ZNF333: variants seen among roughly 807,000 people sequenced by gnomAD.
ZNF333 encodes zinc finger protein 333.
Under a neutral mutation model 76.1 loss-of-function variants are expected in ZNF333, and 61 were observed. The ratio of observed to expected loss-of-function variants is 0.80; its 90% CI spans 0.65 to 0.99. The LOEUF is 0.99. ZNF333 is among the 50% of genes least tolerant of loss of function. The pLI is 0.00. For synonymous variants in ZNF333, 284 were observed against 305.0 expected, an observed-to-expected ratio of 0.93 and a Z score of 0.72; for missense variants, 717 against 822.4, an observed-to-expected ratio of 0.87 and a Z score of 1.57.
Position 14,693,491 on chromosome 19 carries a change from C to A in ZNF333, c.-1C>A, listed in dbSNP as rs1972923324. 6.2e-7 allele frequency: 1 copy of A among 1,602,164 alleles called. No homozygotes were observed. Among genetic ancestry groups the A allele is most frequent in the Non-Finnish European group, 8.5e-7 (1 of 1,171,326 alleles). The stretch of plus-strand genomic sequence containing the variant: ...AGACCTCAAACCCTGGCTCCAGTGT[C>A]ATGGTGAGGAAACTGGGGGCTCCTG... On this transcript the variant is annotated 5_prime_UTR_variant, in exon 2 of 12. Coordinates refer to ENST00000292530, the MANE Select transcript of ZNF333 (RefSeq NM_032433.4).
exon 12 of ZNF333, chr19:14,731,533 G>A (rs1416842415): frequency 7.3e-6 from 2 of 275,098 alleles, no homozygotes; most frequent in Non-Finnish European, 1.4e-5. Flanking sequence ...GACCCCCACG[G>A]TGGAGAGCTG....
intron 5 of ZNF333, chr19:14,701,942 CCA>C (rs201398200): frequency 0.016 from 15,934 of 975,302 alleles, 146 homozygotes; most frequent in Non-Finnish European, 0.018. Context: ...ACCGCAGAGA[CCA>C]CAGTCTCAGC....
intron 8 of ZNF333, 21 bp from the exon 9 acceptor site, chr19:14,716,091 C>A: frequency 6.2e-7 from 1 of 1,613,464 alleles, no homozygotes; most frequent in Non-Finnish European, 8.5e-7. Context: ...CTGGCTGAGC[C>A]GGGATGGATG....
Position 14,715,472 on chromosome 19 carries a change from T to C in ZNF333, c.600+2T>C, listed in dbSNP as rs773626475. The stretch of plus-strand genomic sequence containing the variant: ...GGGCTGCCAACCGCCTGTTCACAGG[T>C]AGGTAAGAACTTCTTGTTCTAAAAG... On this transcript the variant is annotated splice_donor_variant, in intron 8 of 11. Transcript: ENST00000292530. LOFTEE classifies it high-confidence loss of function. The C allele has an allele frequency of 6.2e-7, 1 of 1,613,584 alleles. No homozygotes were observed. The highest frequency in any genetic ancestry group is 8.5e-7 in the Non-Finnish European group (1 of 1,179,680).
intron 7 of ZNF333, chr19:14,708,359 A>G (rs746099188): frequency 4.5e-5 from 18 of 401,196 alleles, no homozygotes; most frequent in African/African-American, 6.1e-5. Flanking sequence ...TCCGATGGTG[A>G]GATGGGGACC....
downstream of ZNF333, among the ~76,000 whole-genome samples, chr19:14,724,563 C>T (rs973387800): frequency 6.6e-6 from 1 of 152,116 alleles, no homozygotes; most frequent in Non-Finnish European, 1.5e-5. Flanking sequence ...GTCAGGGGCT[C>T]GAGACCAGCC....
chr19:14,704,968 C>A, intron 5 of ZNF333, 86 bp from the exon 6 acceptor site: 1 of 1,357,870 alleles, frequency 7.4e-7, no homozygotes, highest in South Asian at 1.3e-5. Context: ...TCTGGCAGCC[C>A]TAAGCCCCAA....
Position 14,721,050 on chromosome 19 carries a change from T to C in ZNF333, c.*1725T>C, listed in dbSNP as rs2042573719. 1.2e-6 allele frequency: 1 copy of C among 801,534 alleles called. No homozygotes were observed. The highest frequency in any genetic ancestry group is 1.5e-6 in the Non-Finnish European group (1 of 662,608). 49.7% of individuals were successfully genotyped at this position (801,534 alleles called of 1,614,324 possible). ...TCATTGTAATGATAGTAAATACTTA[T>C]TTAGAGTTTACTATTAATAGATAGT... On this transcript the variant is annotated 3_prime_UTR_variant, in exon 12 of 12. Coordinates refer to ENST00000292530, the MANE Select transcript of ZNF333 (RefSeq NM_032433.4).
rs1035938370 is a variant in ZNF333 at position 14,721,229 on chromosome 19, ACTCT to A, written c.*1909_*1912del. 4.3e-5 allele frequency: 6 copies of A among 139,586 alleles called. No individual in the cohort carries two copies. Among genetic ancestry groups the A allele is most frequent in the African/African-American group, 1.6e-4 (6 of 36,832 alleles). 8.6% of individuals were successfully genotyped at this position (139,586 alleles called of 1,614,324 possible). A position where few individuals can be genotyped will look rare whatever the true frequency, so the allele number is the denominator to read the frequency against. On this transcript the variant is annotated 3_prime_UTR_variant, in exon 12 of 12. Coordinates refer to ENST00000292530, the MANE Select transcript of ZNF333 (RefSeq NM_032433.4). Reference sequence around the variant, plus strand: ...ATCTGGGTGGCATGTGACAGGCCTGACTCTCTCTACAGTGGCAGACCCAGGGGAC... The same window carrying A: ...ATCTGGGTGGCATGTGACAGGCCTGACTCTACAGTGGCAGACCCAGGGGAC...
downstream of ZNF333, among the ~76,000 whole-genome samples, chr19:14,726,188 C>T (rs527381024): frequency 1.3e-5 from 2 of 152,338 alleles, no homozygotes; most frequent in South Asian, 4.1e-4. Context: ...CCCCTTTGAG[C>T]CAAGGCTGGA....
At position 14,719,054 on chromosome 19, in the gene ZNF333, C is replaced by G. The variant is rs1175264274; in HGVS notation, c.1727C>G (p.Ser576Cys). Residue 576 changes from serine (S) to cysteine (C), a missense_variant, in exon 12 of 12, where the codon TCC (serine) becomes TGC (cysteine). Ser to Cys is a moderately radical substitution (Grantham distance 112). Transcript: ENST00000292530. Reference protein sequence around the residue: ...ECGRAFSEPSSLRKHARTHSG... With the variant: ...ECGRAFSEPSCLRKHARTHSG... ...GGGCGAGCCTTCAGTGAGCCCTCAT[C>G]CCTCAGGAAACATGCAAGGACTCAC... The G allele has an allele frequency of 6.8e-6, 11 of 1,614,018 alleles. No homozygotes were observed. Among genetic ancestry groups the G allele is most frequent in the Non-Finnish European group, 9.3e-6 (11 of 1,180,042 alleles).
chr19:14,718,214 T>G lies in ZNF333; in HGVS notation c.901-14T>G. 1.3e-6 allele frequency: 2 copies of G among 1,592,120 alleles called. No individual in the cohort carries two copies. The highest frequency in any genetic ancestry group is 1.7e-6 in the Non-Finnish European group (2 of 1,170,632). ...AATAAGGCCTTTGGTCTTCACATTT[T>G]CCTTCATCGACAGGAGCAACCTCAG... On this transcript the variant is annotated splice_polypyrimidine_tract_variant and intron_variant, in intron 11 of 11. Transcript: ENST00000292530.
chr19:14,705,225 G>T, intron 6 of ZNF333, 55 bp downstream of exon 6: 1 of 1,522,264 alleles, frequency 6.6e-7, no homozygotes, highest in South Asian at 1.2e-5. Flanking sequence ...GGAAGGCCTG[G>T]GGTGTGGGTT....
chr19:14,718,157 C>T lies in ZNF333; in HGVS notation c.901-71C>T, dbSNP rs540142360. The stretch of plus-strand genomic sequence containing the variant: ...TATAGAACTGTCTTTTTCTTACATT[C>T]ATTTCACATAGGGGAGAATATCTGT... On this transcript the variant is annotated intron_variant, in intron 11 of 11. Transcript: ENST00000292530. The T allele has an allele frequency of 5.4e-5, 82 of 1,525,378 alleles. No homozygotes were observed. The African/African-American group carries it at 1.0e-3, about 19-fold the overall frequency. The allele number at this position is 1,525,378 out of a possible 1,614,324, so 94.5% of individuals were successfully genotyped here.
rs768509815 is a variant in ZNF333 at position 14,721,782 on chromosome 19, C to CT, written c.*2460dup. ...CCATTGTGTAGATATACCACATTTT[C>CT]TTTATCCATTCATCCACCGATGGAC... is the stretch of plus-strand genomic sequence containing the variant. On this transcript the variant is annotated 3_prime_UTR_variant, in exon 12 of 12. Transcript: ENST00000292530. 4 of 152,304 alleles carry CT rather than the reference C, an allele frequency of 2.6e-5. No homozygotes were observed. The highest frequency in any genetic ancestry group is 5.9e-5 in the Non-Finnish European group (4 of 68,026). 9.4% of individuals were successfully genotyped at this position (152,304 alleles called of 1,614,324 possible).
At chr19:14,701,310 CCCTG>C (rs2041950924) in intron 5 of ZNF333, among the ~76,000 whole-genome samples, 1 of 152,132 alleles carries the variant, frequency 6.6e-6, no homozygotes, top group Admixed American at 6.5e-5. Flanking sequence ...GATCATAGCT[CCCTG>C]TAGCTTTGAA....
chr19:14,695,692 A>AC, intron 4 of ZNF333, 31 bp downstream of exon 4: 1 of 1,602,994 alleles, frequency 6.2e-7, no homozygotes. Flanking sequence ...GGATCCCCCG[A>AC]CCCCCCTGGT....
chr19:14,695,164 T>C, intron 3 of ZNF333, 31 bp downstream of exon 3: 1 of 1,605,598 alleles, frequency 6.2e-7, no homozygotes, highest in Non-Finnish European at 8.5e-7. Context: ...CTCCTTCCTG[T>C]ACGCAGGCAC....
chr19:14,731,073 AGCACC>A, intron 11 of ZNF333: 1 of 993,966 alleles, frequency 1.0e-6, no homozygotes, highest in Non-Finnish European at 1.5e-6. Flanking sequence ...CCTGGTCTCA[AGCACC>A]GCCCCTCCTG....
Sources: allele counts gnomAD v4.1 joint callset (sites outside exome capture counted in the v4.1 genomes callset), GRCh38; gene constraint gnomAD v4.1.1; transcripts MANE v1.5; gene names NCBI Gene and HGNC (gene_info 2026-07-23, HGNC 2026-07-21).